The following VIT variants were observed in gnomAD, a reference collection of about 807,000 sequenced individuals.
VIT encodes the protein vitrin.
In VIT, 99 loss-of-function variants were observed where a neutral mutation model predicts 78.0. The observed-to-expected ratio is 1.27, with a 90% confidence interval of 1.08 to 1.50. The LOEUF is 1.50. Ranked by LOEUF, VIT falls within the 40% of genes most tolerant of loss-of-function variation. VIT has a pLI of 0.00. For missense variants in VIT, 1,126 were observed against 875.3 expected (o/e 1.29, Z -3.61); for synonymous variants, 374 against 334.3 (o/e 1.12, Z -1.29).
intron 4 of VIT, among the ~76,000 whole-genome samples, chr2:36,749,147 G>C (rs1357544875): frequency 6.6e-6 from 1 of 152,176 alleles, no homozygotes; most frequent in Non-Finnish European, 1.5e-5. Flanking sequence ...GGAATCCAAA[G>C]TTCTTGATGA....
In VIT at chr2:36,743,083, T is replaced by C. The variant is rs1323871873; in HGVS notation, c.119-17T>C. On this transcript the variant is annotated splice_polypyrimidine_tract_variant and intron_variant, in intron 3 of 15. Transcript: ENST00000379242. ...AATAGCACAAGGTGTAATTTTGACC[T>C]CATTTTGTATTCCCAGCTGTGCCTC... 1 of 1,613,696 alleles carries C rather than the reference T, an allele frequency of 6.2e-7. No homozygotes were observed.
At chr2:36,762,039 G>T (rs965266120) in intron 6 of VIT, among the ~76,000 whole-genome samples, 12 of 152,222 alleles carry the variant, frequency 7.9e-5, no homozygotes, top group Non-Finnish European at 1.5e-5. Flanking sequence ...GCAGGGAAAA[G>T]AGTGTAGGGC....
At chr2:36,728,981 C>T (rs1335028322) in intron 2 of VIT, among the ~76,000 whole-genome samples, 1 of 152,106 alleles carries the variant, frequency 6.6e-6, no homozygotes, top group African/African-American at 2.4e-5. Context: ...GTCCCGCAAG[C>T]TCCATTCATG....
In VIT at chr2:36,711,826, A is replaced by G. The variant is rs150926086; in HGVS notation, c.-18-4527A>G. 6.5e-3 allele frequency among the ~76,000 whole-genome samples: 997 copies of G among 152,332 alleles called. 11 individuals carry two copies. The highest frequency in any genetic ancestry group is 0.023 in the African/African-American group (943 of 41,562). ...TGGGCAGAAAGAGAGATCTAATGAA[A>G]TTTGTTGTGCTAAACCACTTACACT... is the stretch of plus-strand genomic sequence containing the variant. On this transcript the variant is annotated intron_variant, in intron 1 of 15. Coordinates refer to ENST00000379242, the MANE Select transcript of VIT (RefSeq NM_053276.4).
At chr2:36,750,883 G>A (rs574111515) in intron 4 of VIT, among the ~76,000 whole-genome samples, 1 of 152,146 alleles carries the variant, frequency 6.6e-6, no homozygotes, top group East Asian at 1.9e-4. Context: ...TCTCCTTCTA[G>A]CAGCATCTCA....
chr2:36,759,269 G>A (rs970129205), intron 6 of VIT: 1 of 1,487,898 alleles, frequency 6.7e-7, no homozygotes, highest in Non-Finnish European at 8.9e-7. Flanking sequence ...CCGAGATTGT[G>A]TCTCTATATT....
At position 36,770,471 on chromosome 2, in the gene VIT, C is replaced by A. The variant is rs10174933; in HGVS notation, c.679+3186C>A. Among the ~76,000 whole-genome samples, 151 of 152,288 alleles carry A rather than the reference C, an allele frequency of 9.9e-4. 2 individuals carry two copies. Among genetic ancestry groups the A allele is most frequent in the South Asian group, 3.7e-3 (18 of 4,824 alleles). ...TGCAGGTGGAAGGTGGGGCTGGACA[C>A]CAAAGCCGCATCATGGCCCCTTAAC... On this transcript the variant is annotated intron_variant, in intron 7 of 15. Transcript: ENST00000379242.
chr2:36,798,611 A>T (rs34040386), intron 12 of VIT, among the ~76,000 whole-genome samples: 113,532 of 151,294 alleles, frequency 0.75, 42,945 homozygotes, highest in East Asian at 0.99. Context: ...AAAAACAAAT[A>T]AGCCAGGCAT....
chr2:36,814,693 G>C lies in VIT; in HGVS notation c.*332G>C, dbSNP rs1667440769. On this transcript the variant is annotated 3_prime_UTR_variant, in exon 16 of 16. Coordinates refer to ENST00000379242, the MANE Select transcript of VIT (RefSeq NM_053276.4). ...CGTAGAGCTTTTGTGAGATTTTTAA[G>C]TTGTTATTTCTGATTAGAACTCTGT... 1 of 207,856 alleles carries C rather than the reference G, an allele frequency of 4.8e-6. No homozygotes were observed. Among genetic ancestry groups the C allele is most frequent in the Non-Finnish European group, 9.5e-6 (1 of 104,980 alleles). The allele number at this position is 207,856 out of a possible 1,614,324, so 12.9% of individuals were successfully genotyped here. A position where few individuals can be genotyped will look rare whatever the true frequency, so the allele number is the denominator to read the frequency against.
chr2:36,774,879 A>G, intron 8 of VIT, 123 bp from the exon 9 acceptor site: 1 of 1,502,648 alleles, frequency 6.7e-7, no homozygotes. Flanking sequence ...AACCAGGCAC[A>G]GAGAGCTCGG....
intron 4 of VIT, among the ~76,000 whole-genome samples, chr2:36,749,050 T>C (rs559884015): frequency 1.3e-5 from 2 of 152,330 alleles, no homozygotes; most frequent in East Asian, 1.9e-4. Context: ...TCTTTCATCA[T>C]AGCACTCCAT....
intron 1 of VIT, among the ~76,000 whole-genome samples, chr2:36,715,484 C>A (rs1295010910): frequency 6.7e-6 from 1 of 149,992 alleles, no homozygotes; most frequent in Non-Finnish European, 1.5e-5. Context: ...TGTAGTGAGC[C>A]GAGATCACAC....
chr2:36,703,416 A>G (rs191056941), intron 1 of VIT, among the ~76,000 whole-genome samples: 1 of 142,972 alleles, frequency 7.0e-6, no homozygotes, highest in African/African-American at 2.5e-5. Context: ...TGGAACATGG[A>G]AGTGGTTGGC....
At position 36,805,518 on chromosome 2, in the gene VIT, G is replaced by GTGA; in HGVS notation, c.1246_1248dup (p.Met416dup). ...AAGCGGGGCTCCCAATGTGGTGGTG[G>GTGA]TGATGGTGGATGGCTGGCCCACGGA... On this transcript the variant is annotated inframe_insertion, in exon 14 of 16. Transcript: ENST00000379242. 1 of 1,614,108 alleles carries GTGA rather than the reference G, an allele frequency of 6.2e-7. No individual in the cohort carries two copies. Among genetic ancestry groups the GTGA allele is most frequent in the African/African-American group, 1.3e-5 (1 of 75,018 alleles).
intron 2 of VIT, among the ~76,000 whole-genome samples, chr2:36,728,211 G>T (rs892106427): frequency 6.6e-6 from 1 of 151,970 alleles, no homozygotes; most frequent in Non-Finnish European, 1.5e-5. Flanking sequence ...GATTACAGGC[G>T]TGAGCCACCA....
intron 12 of VIT, among the ~76,000 whole-genome samples, chr2:36,789,706 A>G (rs1176152361): frequency 6.6e-6 from 1 of 152,178 alleles, no homozygotes; most frequent in East Asian, 1.9e-4. Flanking sequence ...TTCTCACCAG[A>G]TTCTAACGCC....
At chr2:36,746,141 T>A (rs989592194) in intron 4 of VIT, among the ~76,000 whole-genome samples, 1 of 152,226 alleles carries the variant, frequency 6.6e-6, no homozygotes, top group African/African-American at 2.4e-5. Context: ...CAACCTTGCA[T>A]CCCAGGAATA....
Position 36,814,227 on chromosome 2 carries a change from G to A in VIT, c.1948G>A (p.Glu650Lys). The A allele has an allele frequency of 6.2e-7, 1 of 1,614,220 alleles. No homozygotes were observed. Among genetic ancestry groups the A allele is most frequent in the Non-Finnish European group, 8.5e-7 (1 of 1,180,038 alleles). Residue 650 changes from glutamate to lysine, a missense_variant, in exon 16 of 16, where the codon GAG becomes AAG. By Grantham distance (56) the Glu-to-Lys change is moderately conservative. Transcript: ENST00000379242. ...AGGCGTTGCCTGGGCTGCCCAAGAGGAGCTAGAAGTCATTGCCACTCACCC... is the reference window on the plus strand; with the variant it reads ...AGGCGTTGCCTGGGCTGCCCAAGAGAAGCTAGAAGTCATTGCCACTCACCC... The part of the protein sequence containing the change: ...AIGVAWAAQE[E>K]LEVIATHPAR...
intron 13 of VIT, among the ~76,000 whole-genome samples, chr2:36,802,956 C>T (rs1454602202): frequency 2.0e-5 from 3 of 152,332 alleles, no homozygotes; most frequent in Middle Eastern, 6.8e-3. Flanking sequence ...GAAGTAGGAC[C>T]TCCAAGGGAG....
Sources: allele counts gnomAD v4.1 joint callset (sites outside exome capture counted in the v4.1 genomes callset), GRCh38; gene constraint gnomAD v4.1.1; transcripts MANE v1.5; gene names NCBI Gene and HGNC (gene_info 2026-07-23, HGNC 2026-07-21).